CCSER2: variants seen among roughly 807,000 people sequenced by gnomAD.
CCSER2 encodes the protein serine-rich coiled-coil domain-containing protein 2.
In CCSER2, 46 loss-of-function variants were observed where a neutral mutation model predicts 92.3. The observed-to-expected ratio is 0.50, with a 90% CI of 0.39 to 0.64. CCSER2 has a LOEUF of 0.64. Ranked by LOEUF, CCSER2 falls within the 30% of genes least tolerant of loss-of-function variation. The pLI, the probability that CCSER2 is intolerant of heterozygous loss-of-function variation, is 0.00. For missense variants in CCSER2, 1,244 were observed against 1,238.9 expected (o/e 1.00, Z -0.06); for synonymous variants, 433 against 431.4 (o/e 1.00, Z -0.04).
At chr10:84,449,294 G>A (rs567392659) in intron 6 of CCSER2, among the ~76,000 whole-genome samples, 2 of 152,300 alleles carry the variant, frequency 1.3e-5, no homozygotes, top group Admixed American at 1.3e-4. Flanking sequence ...AGGATCACTT[G>A]AACACGGGAG....
At chr10:84,475,555 G>A (rs1004933593) in intron 8 of CCSER2, among the ~76,000 whole-genome samples, 1 of 151,928 alleles carries the variant, frequency 6.6e-6, no homozygotes, top group Non-Finnish European at 1.5e-5. Context: ...AACTTATGAC[G>A]GAATTATGTC....
chr10:84,500,833 A>G (rs1438766068), intron 9 of CCSER2, among the ~76,000 whole-genome samples: 1 of 152,230 alleles, frequency 6.6e-6, no homozygotes, highest in African/African-American at 2.4e-5. Flanking sequence ...TTCCATGTGA[A>G]GTATCAAAGG....
intron 9 of CCSER2, among the ~76,000 whole-genome samples, chr10:84,506,630 A>G (rs1849062937): frequency 6.6e-6 from 1 of 152,056 alleles, no homozygotes; most frequent in African/African-American, 2.4e-5. Context: ...CGTCTCTACT[A>G]AAAATACAAA....
intron 3 of CCSER2, among the ~76,000 whole-genome samples, chr10:84,393,679 A>G (rs367639458): frequency 1.1e-4 from 17 of 152,330 alleles, no homozygotes; most frequent in Non-Finnish European, 2.2e-4. Flanking sequence ...CTCTACTTAC[A>G]TGTATTCCTG....
chr10:84,454,783 A>G (rs543892491), intron 6 of CCSER2: 2 of 161,368 alleles, frequency 1.2e-5, no homozygotes, highest in East Asian at 3.6e-4. Flanking sequence ...TTTCTTTAGA[A>G]TATTCATCAA....
intron 3 of CCSER2, among the ~76,000 whole-genome samples, chr10:84,385,727 G>C (rs768100408): frequency 6.6e-6 from 1 of 152,122 alleles, no homozygotes; most frequent in African/African-American, 2.4e-5. Context: ...AAAAGTAAAT[G>C]CAACAAATCA....
At chr10:84,423,841 C>T (rs562911887) in intron 4 of CCSER2, among the ~76,000 whole-genome samples, 4 of 152,018 alleles carry the variant, frequency 2.6e-5, no homozygotes, top group Non-Finnish European at 4.4e-5. Flanking sequence ...AGGCACTAAG[C>T]TAAAAGCAAT....
intron 8 of CCSER2, among the ~76,000 whole-genome samples, chr10:84,474,662 C>CAAAAA (rs397844899): frequency 4.6e-5 from 3 of 65,844 alleles, no homozygotes; most frequent in South Asian, 5.8e-4. Context: ...GACTCCATCT[C>CAAAAA]AAAAAAAAAA....
At chr10:84,510,315 G>C (rs1849285893) in intron 9 of CCSER2, among the ~76,000 whole-genome samples, 1 of 152,060 alleles carries the variant, frequency 6.6e-6, no homozygotes, top group African/African-American at 2.4e-5. Flanking sequence ...ATTGTTCGCG[G>C]TTCTGGAATG....
At chr10:84,406,775 A>G (rs1842399730) in intron 3 of CCSER2, among the ~76,000 whole-genome samples, 1 of 152,216 alleles carries the variant, frequency 6.6e-6, no homozygotes, top group African/African-American at 2.4e-5. Flanking sequence ...AACAGGGAAT[A>G]GAAACTCTTT....
chr10:84,402,972 A>G (rs1179316017), intron 3 of CCSER2, among the ~76,000 whole-genome samples: 3 of 152,232 alleles, frequency 2.0e-5, no homozygotes, highest in African/African-American at 7.2e-5. Context: ...TCTAAAATTT[A>G]TATAAAAAAG....
intron 3 of CCSER2, among the ~76,000 whole-genome samples, chr10:84,413,100 T>A (rs936167774): frequency 6.7e-6 from 1 of 150,000 alleles, no homozygotes; most frequent in Non-Finnish European, 1.5e-5. Context: ...GTTCCTGGAT[T>A]CATTGATTTT....
At chr10:84,366,689 T>G (rs372215316) in intron 1 of CCSER2, among the ~76,000 whole-genome samples, 2 of 152,200 alleles carry the variant, frequency 1.3e-5, no homozygotes, top group South Asian at 2.1e-4. Context: ...GTATCTTGGC[T>G]TAAGTATATA....
chr10:84,405,886 G>A (rs907476430), intron 3 of CCSER2, among the ~76,000 whole-genome samples: 1 of 152,154 alleles, frequency 6.6e-6, no homozygotes, highest in African/African-American at 2.4e-5. Flanking sequence ...AAATGACCTA[G>A]CAGTTTCTTG....
intron 1 of CCSER2, among the ~76,000 whole-genome samples, chr10:84,330,185 A>T (rs573262355): frequency 3.9e-5 from 6 of 152,224 alleles, no homozygotes; most frequent in Admixed American, 3.9e-4. Flanking sequence ...TCCATAGTCT[A>T]TATCGATAAA....
chr10:84,458,172 T>C (rs1350396583), intron 6 of CCSER2, among the ~76,000 whole-genome samples: 1 of 152,204 alleles, frequency 6.6e-6, no homozygotes, highest in Non-Finnish European at 1.5e-5. Flanking sequence ...GTTTTATAGT[T>C]TTAAGTTTGA....
At position 84,372,447 on chromosome 10, in the gene CCSER2, A is replaced by G. The variant is rs183950112; in HGVS notation, c.1395A>G (p.Glu465=). The G allele has an allele frequency of 1.6e-4, 244 of 1,571,578 alleles. No individual in the cohort carries two copies. The East Asian group carries it at 5.1e-3, about 33-fold the overall frequency. ...ENEKAFSKTD[E]WIDISVSDRS... ...AAAAAGCCTTCAGTAAAACTGATGA[A>G]TGGATAGATATAAGTGTCTCTGGTA... is the stretch of plus-strand genomic sequence containing the variant. Residue 465 remains glutamate, a synonymous_variant, in exon 2 of 10, where the codon GAA becomes GAG. Coordinates refer to ENST00000372088, the MANE Select transcript of CCSER2 (RefSeq NM_001284240.2).
At chr10:84,422,106 G>C (rs996619800) in intron 4 of CCSER2, among the ~76,000 whole-genome samples, 1 of 152,142 alleles carries the variant, frequency 6.6e-6, no homozygotes, top group African/African-American at 2.4e-5. Context: ...GACCTGCCTT[G>C]GGGAGAGGAA....
chr10:84,435,889 G>C (rs946506695), intron 5 of CCSER2, among the ~76,000 whole-genome samples: 3 of 152,118 alleles, frequency 2.0e-5, no homozygotes, highest in African/African-American at 7.2e-5. Flanking sequence ...AGTGTCAGCT[G>C]ATTTAAGATG....
Sources: gnomAD v4.1 joint callset for allele counts (sites outside exome capture counted in the v4.1 genomes callset) on GRCh38, gnomAD v4.1.1 for gene constraint, MANE v1.5 for transcripts, NCBI Gene and HGNC (gene_info 2026-07-23, HGNC 2026-07-21) for gene names.